Variants in NFATC1 observed in about 807,000 individuals in gnomAD.
The protein encoded by NFATC1 is nuclear factor of activated T cells 1.
Under a neutral mutation model 76.0 loss-of-function variants are expected in NFATC1, and 22 were observed. That is an observed-to-expected ratio of 0.29 (90% confidence interval 0.21 to 0.41). The LOEUF (loss-of-function observed/expected upper bound fraction) is 0.41, where lower values mean the gene tolerates loss of function less well. Among genes scored for constraint, NFATC1 ranks in the 10% least tolerant of loss-of-function variants. The pLI is 1.00. For missense variants in NFATC1, 1,357 were observed against 1,337.7 expected (o/e 1.01, Z -0.23); for synonymous variants, 704 against 613.1 (o/e 1.15, Z -2.19).
At chr18:79,478,317 G>A (rs1464677181) in intron 8 of NFATC1, among the ~76,000 whole-genome samples, 5 of 152,154 alleles carry the variant, frequency 3.3e-5, no homozygotes, top group Admixed American at 1.3e-4. Flanking sequence ...TCTGGGAGCC[G>A]TGAAGACCCC....
intron 9 of NFATC1, chr18:79,493,416 G>T (rs1165156763): frequency 6.6e-6 from 1 of 152,268 alleles, no homozygotes; most frequent in Non-Finnish European, 1.5e-5. Context: ...CCGTCCCTCG[G>T]CGCGGGGCTG....
chr18:79,407,043 G>A lies in NFATC1; in HGVS notation c.128-3360G>A, dbSNP rs571086341. On this transcript the variant is annotated intron_variant, in intron 1 of 9. Transcript: ENST00000427363. Reference sequence around the variant, plus strand: ...GGAGGGGCCACCGTGACGCCCAGGCGGAGCTCTCAGAGGGCTACAGTTTGC... The same window carrying A: ...GGAGGGGCCACCGTGACGCCCAGGCAGAGCTCTCAGAGGGCTACAGTTTGC... 2.2e-3 allele frequency among the ~76,000 whole-genome samples: 331 copies of A among 152,268 alleles called. 1 individual carries two copies. Among genetic ancestry groups the A allele is most frequent in the African/African-American group, 7.0e-3 (292 of 41,564 alleles).
rs149849597 is a variant in NFATC1, at chr18:79,409,147, C to T, written c.128-1256C>T. Among the ~76,000 whole-genome samples the T allele has an allele frequency of 3.4e-5, 2 of 58,070 alleles. 1 individual carries two copies. The highest frequency in any genetic ancestry group is 1.0e-4 in the Non-Finnish European group (2 of 19,264). 38.1% of individuals were successfully genotyped at this position (58,070 alleles called of 152,430 possible). A position where few individuals can be genotyped will look rare whatever the true frequency, so the allele number is the denominator to read the frequency against. On this transcript the variant is annotated intron_variant, in intron 1 of 9. Transcript: ENST00000427363. Reference sequence around the variant, plus strand: ...ATTCCTCCATTCCCTATCCATCCATCCGTCATCCATCTATCCATCATCATC... The same window carrying T: ...ATTCCTCCATTCCCTATCCATCCATTCGTCATCCATCTATCCATCATCATC...
intron 9 of NFATC1, among the ~76,000 whole-genome samples, chr18:79,489,777 G>T (rs967964287): frequency 2.6e-5 from 4 of 152,202 alleles, no homozygotes; most frequent in African/African-American, 7.2e-5. Context: ...CACAGACCCC[G>T]AGCGCCAGCC....
At chr18:79,483,411 GTGGGGTGTCATTCCGGCGTGACCTGGTCC>G (rs2089376756) in intron 8 of NFATC1, among the ~76,000 whole-genome samples, 2 of 68,430 alleles carry the variant, frequency 2.9e-5, no homozygotes, top group African/African-American at 1.2e-4. Context: ...GACCTGGTTC[GTGGGGTGTCATTCCGGCGTGACCTGGTCC>G]TGGGGTGTAA....
chr18:79,397,265 G>C lies in NFATC1; in HGVS notation c.127+914G>C, dbSNP rs528670504. 5.3e-5 allele frequency among the ~76,000 whole-genome samples: 8 copies of C among 152,332 alleles called. No homozygotes were observed. The South Asian group carries it at 1.7e-3, about 32-fold the overall frequency. ...GCAATGCTAATGGAAATTGGAAGAC[G>C]CTTTTCCAAATTCCTTACCAGCTCT... On this transcript the variant is annotated intron_variant, in intron 1 of 9. Coordinates refer to ENST00000427363, the MANE Select transcript of NFATC1 (RefSeq NM_001278669.2).
At chr18:79,487,391 T>TA (rs1253826739) in intron 9 of NFATC1, among the ~76,000 whole-genome samples, 2 of 152,188 alleles carry the variant, frequency 1.3e-5, no homozygotes, top group Non-Finnish European at 2.9e-5. Context: ...ACGAGCACGT[T>TA]ACCCCGTGCG....
chr18:79,474,607 CTG>C (rs1321323427), intron 8 of NFATC1, among the ~76,000 whole-genome samples: 5 of 148,168 alleles, frequency 3.4e-5, no homozygotes, highest in Non-Finnish European at 5.9e-5. Context: ...CTCACGCTCA[CTG>C]TTGACGTAAA....
intron 9 of NFATC1, among the ~76,000 whole-genome samples, chr18:79,523,747 A>G (rs2090675782): frequency 2.0e-5 from 3 of 152,356 alleles, no homozygotes; most frequent in Non-Finnish European, 2.9e-5. Flanking sequence ...GCCACAGTCG[A>G]GTTTTAGGAA....
intron 9 of NFATC1, among the ~76,000 whole-genome samples, chr18:79,499,324 T>C (rs1171611001): frequency 6.9e-6 from 1 of 145,792 alleles, no homozygotes; most frequent in African/African-American, 2.4e-5. Flanking sequence ...GAGGAACCAC[T>C]AAGAAAATAT....
intron 8 of NFATC1, among the ~76,000 whole-genome samples, chr18:79,471,968 T>C (rs2088805973): frequency 6.6e-6 from 1 of 152,206 alleles, no homozygotes; most frequent in Non-Finnish European, 1.5e-5. Context: ...CTTGAGAATC[T>C]GTTTCTGCCT....
chr18:79,467,280 G>A (rs1046108751), intron 7 of NFATC1, among the ~76,000 whole-genome samples, 170 bp from the exon 8 acceptor site: 1 of 152,178 alleles, frequency 6.6e-6, no homozygotes, highest in Non-Finnish European at 1.5e-5. Context: ...TTACCGTCAC[G>A]GCAGTCCTGT....
chr18:79,515,942 A>C (rs1007060571), intron 9 of NFATC1: 2 of 151,660 alleles, frequency 1.3e-5, no homozygotes. Context: ...GAGTGACTGG[A>C]ATGGCAGTTT....
intron 6 of NFATC1, among the ~76,000 whole-genome samples, chr18:79,453,673 C>T (rs28653321): frequency 0.022 from 3,371 of 152,338 alleles, 119 homozygotes; most frequent in African/African-American, 0.076. Context: ...CAGCACCAGC[C>T]GGCGTCTGGT....
At chr18:79,402,481 C>A in intron 1 of NFATC1, 1 of 803,372 alleles carries the variant, frequency 1.2e-6, no homozygotes, top group Non-Finnish European at 1.5e-6. Context: ...TCGCAGGCAC[C>A]CTGGGCCCTC....
At chr18:79,480,299 T>C (rs2089229034) in intron 8 of NFATC1, among the ~76,000 whole-genome samples, 1 of 152,030 alleles carries the variant, frequency 6.6e-6, no homozygotes, top group Non-Finnish European at 1.5e-5. Flanking sequence ...AGCCCCAGGC[T>C]TCAGAAAGAG....
intron 4 of NFATC1, 92 bp from the exon 5 acceptor site, chr18:79,450,862 C>A: frequency 1.3e-6 from 2 of 1,482,628 alleles, no homozygotes; most frequent in Admixed American, 2.1e-5. Context: ...GCTCGTGGGG[C>A]TGGGATGAGG....
chr18:79,478,786 G>C (rs1278633945), intron 8 of NFATC1, among the ~76,000 whole-genome samples: 1 of 152,192 alleles, frequency 6.6e-6, no homozygotes, highest in Non-Finnish European at 1.5e-5. Flanking sequence ...AGCTCCCAAC[G>C]TCACTGCTAC....
chr18:79,410,329 G>A lies in NFATC1; in HGVS notation c.128-74G>A, dbSNP rs1055448298. On this transcript the variant is annotated intron_variant, in intron 1 of 9. Transcript: ENST00000427363. This position sits in a 1 kb window ranked among gnomAD's most constrained non-coding sequence, Gnocchi z 6.7. ...TGGTCGAGGCCGGGGGTTGCTGGCC[G>A]GCCCTGAGTTCATGGGTTTCTGCTT... 9.8e-6 allele frequency: 15 copies of A among 1,525,486 alleles called. No individual in the cohort carries two copies. The highest frequency in any genetic ancestry group is 6.9e-5 in the African/African-American group (5 of 72,542). 94.5% of individuals were successfully genotyped at this position (1,525,486 alleles called of 1,614,324 possible). A position where few individuals can be genotyped will look rare whatever the true frequency, so the allele number is the denominator to read the frequency against.
Sources: gnomAD v4.1 joint callset for allele counts (sites outside exome capture counted in the v4.1 genomes callset) on GRCh38, gnomAD v4.1.1 for gene constraint, Gnocchi (gnomAD v3.1) non-coding constraint, MANE v1.5 for transcripts, NCBI Gene and HGNC (gene_info 2026-07-23, HGNC 2026-07-21) for gene names.